IFT25: variants seen among roughly 807,000 people sequenced by gnomAD.
IFT25 encodes intraflagellar transport 25, also known as intraflagellar transport protein 25 homolog.
the IFT25 span, among the ~76,000 whole-genome samples, chr1:53,944,423 T>C: frequency 1.3e-5 from 2 of 151,994 alleles, no homozygotes; most frequent in African/African-American, 4.8e-5. Context: ...GGCAGGCGGA[T>C]CACTTGAGGC....
the IFT25 span, among the ~76,000 whole-genome samples, chr1:53,939,398 A>AG: frequency 6.9e-3 from 1,042 of 151,748 alleles, 11 homozygotes; most frequent in African/African-American, 0.024. Flanking sequence ...CTCAAAAAAA[A>AG]AAAAAAAAAA....
chr1:53,945,125 T>G, the IFT25 span, among the ~76,000 whole-genome samples: 2 of 152,036 alleles, frequency 1.3e-5, no homozygotes, highest in Admixed American at 1.3e-4. Context: ...CAAACCCTCC[T>G]CCTCAGTTCA....
At chr1:53,921,608 T>C in the IFT25 span, 23 of 1,142,450 alleles carry the variant, frequency 2.0e-5, no homozygotes, top group Non-Finnish European at 2.9e-5. Context: ...ACTTCCTGTT[T>C]AAATATATTG....
At chr1:53,930,035 T>A in the IFT25 span, 1 of 1,544,306 alleles carries the variant, frequency 6.5e-7, no homozygotes. Context: ...TAAGATTTGC[T>A]TACCAAAGTA....
At chr1:53,943,681 TG>T in the IFT25 span, among the ~76,000 whole-genome samples, 1 of 151,960 alleles carries the variant, frequency 6.6e-6, no homozygotes. Flanking sequence ...TGGAGTGCAA[TG>T]ACTCGATCTC....
chr1:53,939,074 CAAAAAAAAAAAAAA>C, the IFT25 span, among the ~76,000 whole-genome samples: 5 of 22,558 alleles, frequency 2.2e-4, no homozygotes, highest in Non-Finnish European at 4.8e-4. Flanking sequence ...AACTCCGTCT[CAAAAAAAAAAAAAA>C]AAAAAAAAAA....
At chr1:53,932,132 C>T in the IFT25 span, among the ~76,000 whole-genome samples, 4 of 152,152 alleles carry the variant, frequency 2.6e-5, no homozygotes, top group African/African-American at 4.8e-5. Flanking sequence ...AGGGTGCTCA[C>T]CTGAGGTCAG....
At chr1:53,944,716 G>A in the IFT25 span, among the ~76,000 whole-genome samples, 130 of 152,240 alleles carry the variant, frequency 8.5e-4, no homozygotes, top group African/African-American at 3.0e-3. Flanking sequence ...ATTTCCTCAG[G>A]GCCGCAGTTT....
the IFT25 span, among the ~76,000 whole-genome samples, chr1:53,921,128 G>A: frequency 4.6e-5 from 7 of 152,024 alleles, no homozygotes; most frequent in East Asian, 1.9e-4. Context: ...AGCCAAGATC[G>A]AGCCACTGCA....
chr1:53,924,794 G>A, the IFT25 span, among the ~76,000 whole-genome samples: 6 of 152,102 alleles, frequency 3.9e-5, no homozygotes, highest in East Asian at 3.9e-4. Context: ...CCGAGATCGC[G>A]CCACTGCACT....
the IFT25 span, among the ~76,000 whole-genome samples, chr1:53,935,631 T>C: frequency 9.3e-6 from 1 of 107,892 alleles, no homozygotes; most frequent in African/African-American, 4.3e-5. Context: ...CCAGAACTAC[T>C]TTTTTTTTTT....
At chr1:53,911,822 C>T in the IFT25 span, among the ~76,000 whole-genome samples, 1 of 152,146 alleles carries the variant, frequency 6.6e-6, no homozygotes, top group African/African-American at 2.4e-5. Flanking sequence ...AACAGGGTAT[C>T]AATAGTGCCT....
At chr1:53,936,682 C>T in the IFT25 span, among the ~76,000 whole-genome samples, 1 of 151,994 alleles carries the variant, frequency 6.6e-6, no homozygotes, top group Non-Finnish European at 1.5e-5. Flanking sequence ...ACCAAGATAA[C>T]ACATAATTCA....
At chr1:53,939,289 G>A in the IFT25 span, among the ~76,000 whole-genome samples, 1 of 151,466 alleles carries the variant, frequency 6.6e-6, no homozygotes, top group East Asian at 1.9e-4. Flanking sequence ...TACTCAAGAG[G>A]CTGAGGCAGG....
At chr1:53,924,693 C>T in the IFT25 span, among the ~76,000 whole-genome samples, 3 of 152,040 alleles carry the variant, frequency 2.0e-5, no homozygotes, top group African/African-American at 4.8e-5. Context: ...AAAAATTAGC[C>T]GGGTGTGGTG....
chr1:53,911,911 C>A, the IFT25 span, among the ~76,000 whole-genome samples: 3 of 152,210 alleles, frequency 2.0e-5, no homozygotes, highest in South Asian at 6.2e-4. Flanking sequence ...GCTATTATTA[C>A]GATTATCATA....
the IFT25 span, among the ~76,000 whole-genome samples, chr1:53,940,632 G>C: frequency 6.6e-6 from 1 of 152,090 alleles, no homozygotes; most frequent in Admixed American, 6.6e-5. Context: ...CAAAATGACA[G>C]AATAAGGTAT....
chr1:53,923,908 A>G, the IFT25 span: 53 of 1,580,084 alleles, frequency 3.4e-5, 1 homozygote, highest in East Asian at 2.7e-4. Context: ...ACTTACCACA[A>G]TTTCTTCATT....
the IFT25 span, among the ~76,000 whole-genome samples, chr1:53,943,741 A>T: frequency 6.6e-6 from 1 of 151,864 alleles, no homozygotes; most frequent in Non-Finnish European, 1.5e-5. Context: ...CTCCCACCTC[A>T]GCCTTCCTAG....
Sources: gnomAD v4.1 joint callset for allele counts (sites outside exome capture counted in the v4.1 genomes callset) on GRCh38, gnomAD v4.1.1 for gene constraint, MANE v1.5 for transcripts, NCBI Gene and HGNC (gene_info 2026-07-23, HGNC 2026-07-21) for gene names.